The following NIN variants were observed in gnomAD, a reference collection of about 807,000 sequenced individuals.
NIN encodes ninein.
NIN carries 137 observed loss-of-function variants against 257.6 expected under a neutral mutation model. The ratio of observed to expected loss-of-function variants is 0.53; its 90% confidence interval spans 0.46 to 0.61. NIN has a LOEUF of 0.61. Among genes scored for constraint, NIN ranks in the 20% least tolerant of loss-of-function variants. NIN has a pLI of 0.00. For missense variants in NIN, 2,439 were observed against 2,501.2 expected, an observed-to-expected ratio of 0.98 and a Z score of 0.53; for synonymous variants, 918 against 919.8, an observed-to-expected ratio of 1.00 and a Z score of 0.04.
intron 27 of NIN, among the ~76,000 whole-genome samples, 192 bp from the exon 28 acceptor site, chr14:50,735,809 C>A (rs1170629792): frequency 6.6e-6 from 1 of 152,158 alleles, no homozygotes; most frequent in African/African-American, 2.4e-5. Flanking sequence ...AATCACCTGT[C>A]CTCACACAGA....
chr14:50,805,179 G>C (rs2044267051), intron 4 of NIN, among the ~76,000 whole-genome samples: 1 of 152,108 alleles, frequency 6.6e-6, no homozygotes, highest in Non-Finnish European at 1.5e-5. Flanking sequence ...CTATGCTCAC[G>C]TTAGCTAATA....
In NIN at chr14:50,757,118, G is replaced by T; in HGVS notation, c.3912C>A (p.Phe1304Leu). ...LKKMEEVTET[F>L]LSLEKSYDEV... Reference sequence around the variant, plus strand: ...CATCGTAACTCTTTTCCAGGCTGAGGAATGTTTCAGTGACTTCCTCCATTT... The same window carrying T: ...CATCGTAACTCTTTTCCAGGCTGAGTAATGTTTCAGTGACTTCCTCCATTT... Residue 1304 changes from phenylalanine (F) to leucine (L), a missense_variant, in exon 18 of 31, where the codon TTC (phenylalanine) becomes TTA (leucine). Transcript: ENST00000530997. 2 of 1,612,756 alleles carry T rather than the reference G, an allele frequency of 1.2e-6. No individual in the cohort carries two copies. The highest frequency in any genetic ancestry group is 1.7e-6 in the Non-Finnish European group (2 of 1,179,602).
chr14:50,792,832 G>A lies in NIN; in HGVS notation c.315C>T (p.Tyr105=), dbSNP rs148189309. Reference sequence around the variant, plus strand: ...GGAACTCGGGCAAGGACCTTCGTCCGTAACGCTTCCCACCTCTAACATATT... The same window carrying A: ...GGAACTCGGGCAAGGACCTTCGTCCATAACGCTTCCCACCTCTAACATATT... ...QPKYVRGGKR[Y]GRRSLPEFQE... Residue 105 remains tyrosine (Y), a synonymous_variant, in exon 5 of 31, where the codon TAC becomes TAT. Coordinates refer to ENST00000530997, the MANE Select transcript of NIN (RefSeq NM_020921.4). 162 of 1,614,214 alleles carry A rather than the reference G, an allele frequency of 1.0e-4. No homozygotes were observed. The African/African-American group carries it at 1.9e-3, about 19-fold the overall frequency.
At chr14:50,723,821 C>T (rs1566768959) in intron 30 of NIN, 149 bp from the exon 31 acceptor site, 1 of 648,778 alleles carries the variant, frequency 1.5e-6, no homozygotes. Flanking sequence ...GCTTTAACAT[C>T]AGACTTGGCA....
intron 29 of NIN, chr14:50,727,367 T>A (rs537500917): frequency 6.0e-6 from 6 of 1,003,990 alleles, no homozygotes; most frequent in Non-Finnish European, 7.2e-6. Flanking sequence ...TGGTTAAAAA[T>A]AGTTACAACA....
chr14:50,722,037 G>A lies in NIN; in HGVS notation c.*1426C>T. ...TGGCCCTCCAGGAATATATCAAAGC[G>A]AACTTTTCGGATTATTGTCTCATGA... On this transcript the variant is annotated 3_prime_UTR_variant, in exon 31 of 31. Transcript: ENST00000530997. 1 of 228,644 alleles carries A rather than the reference G, an allele frequency of 4.4e-6. No individual in the cohort carries two copies. Among genetic ancestry groups the A allele is most frequent in the Non-Finnish European group, 8.7e-6 (1 of 115,130 alleles). The allele number at this position is 228,644 out of a possible 1,614,324, so 14.2% of individuals were successfully genotyped here.
intron 28 of NIN, among the ~76,000 whole-genome samples, chr14:50,734,086 A>ATTTT (rs200910856): frequency 2.9e-5 from 4 of 138,322 alleles, no homozygotes; most frequent in Non-Finnish European, 1.6e-5. Context: ...TTTCTTCTTT[A>ATTTT]TTTTTTTTTT....
chr14:50,727,448 A>G, intron 29 of NIN: 1 of 1,170,796 alleles, frequency 8.5e-7, no homozygotes, highest in Non-Finnish European at 1.1e-6. Context: ...AAGGGTATAA[A>G]TAAAATGATT....
intron 5 of NIN, among the ~76,000 whole-genome samples, chr14:50,781,247 C>G (rs1241274017): frequency 6.6e-6 from 1 of 151,796 alleles, no homozygotes; most frequent in Non-Finnish European, 1.5e-5. Context: ...AGAAACCTAC[C>G]AAATCTCAAG....
At position 50,720,463 on chromosome 14, in the gene NIN, C is replaced by T. The variant is rs2040249551; in HGVS notation, c.*3000G>A. On this transcript the variant is annotated 3_prime_UTR_variant, in exon 31 of 31. Transcript: ENST00000530997. ...AACCCTTAGAGAAGAAACAGTTTCT[C>T]ATAATATCTGCCCTGGGTAATAGTG... The T allele has an allele frequency of 4.7e-6, 1 of 210,610 alleles. No individual in the cohort carries two copies. The highest frequency in any genetic ancestry group is 5.9e-5 in the Admixed American group (1 of 17,024). 13.0% of individuals were successfully genotyped at this position (210,610 alleles called of 1,614,324 possible).
Position 50,771,336 on chromosome 14 carries a change from A to C in NIN, c.1114T>G (p.Leu372Val). 3 of 1,613,906 alleles carry C rather than the reference A, an allele frequency of 1.9e-6. No homozygotes were observed. In the South Asian group the frequency reaches 3.3e-5, roughly 18 times the overall value. ...LASFKAEIRH[L>V]LERVDQVVRE... ...CGAACCTTCTGCTCAACTCACAACA[A>C]ATGCCGGATTTCAGCCTTAAAGCTG... Residue 372 changes from leucine to valine, a missense_variant, in exon 10 of 31, where the codon TTG becomes GTG. Coordinates refer to ENST00000530997, the MANE Select transcript of NIN (RefSeq NM_020921.4).
chr14:50,806,667 C>T, intron 4 of NIN, 70 bp downstream of exon 4: 1 of 819,416 alleles, frequency 1.2e-6, no homozygotes, highest in Non-Finnish European at 2.0e-6. Context: ...ATACATGCTT[C>T]AAGGTCCCCA....
chr14:50,804,285 T>C (rs769727368), intron 4 of NIN, among the ~76,000 whole-genome samples: 3 of 151,914 alleles, frequency 2.0e-5, no homozygotes, highest in Admixed American at 6.5e-5. Context: ...CAAGGAGAAA[T>C]TGGCAAAAGA....
At chr14:50,750,998 C>T (rs964045881) in intron 21 of NIN, among the ~76,000 whole-genome samples, 3 of 152,188 alleles carry the variant, frequency 2.0e-5, no homozygotes, top group African/African-American at 2.4e-5. Flanking sequence ...CTTTCTTACA[C>T]ACACAAAGGC....
intron 20 of NIN, among the ~76,000 whole-genome samples, chr14:50,753,634 C>G (rs1332774289): frequency 6.6e-6 from 1 of 152,110 alleles, no homozygotes; most frequent in Non-Finnish European, 1.5e-5. Flanking sequence ...AGTAGGATTG[C>G]TGGGTTAGAA....
At chr14:50,805,660 G>A (rs1407894133) in intron 4 of NIN, among the ~76,000 whole-genome samples, 4 of 152,160 alleles carry the variant, frequency 2.6e-5, no homozygotes, top group African/African-American at 9.7e-5. Flanking sequence ...TCCTTGTAGT[G>A]ACAAAATCTT....
chr14:50,767,315 A>G (rs1255059114), intron 12 of NIN, among the ~76,000 whole-genome samples: 1 of 152,252 alleles, frequency 6.6e-6, no homozygotes, highest in Non-Finnish European at 1.5e-5. Context: ...ATTATTTGAA[A>G]TTAGTTTCAC....
chr14:50,794,086 C>T (rs1489684155), intron 4 of NIN, among the ~76,000 whole-genome samples: 4 of 152,168 alleles, frequency 2.6e-5, no homozygotes, highest in South Asian at 2.1e-4. Flanking sequence ...ACTAAAAGAA[C>T]GACCGTTCCT....
chr14:50,773,460 T>A (rs554890073), intron 7 of NIN, among the ~76,000 whole-genome samples: 1 of 152,224 alleles, frequency 6.6e-6, no homozygotes, highest in African/African-American at 2.4e-5. Flanking sequence ...GTCATAACAG[T>A]AGAAAGTGGT....
Sources: allele counts gnomAD v4.1 joint callset (sites outside exome capture counted in the v4.1 genomes callset), GRCh38; gene constraint gnomAD v4.1.1; transcripts MANE v1.5; gene names NCBI Gene and HGNC (gene_info 2026-07-23, HGNC 2026-07-21).